The following FAF1 variants were observed in gnomAD, a reference collection of about 807,000 sequenced individuals.
FAF1 encodes the protein Fas associated factor 1.
In FAF1, 25 loss-of-function variants were observed where a neutral mutation model predicts 92.5. The observed-to-expected ratio is 0.27, with a 90% CI of 0.20 to 0.38. The LOEUF (loss-of-function observed/expected upper bound fraction) is 0.38. Ranked by LOEUF, FAF1 falls within the 10% of genes least tolerant of loss-of-function variation. The pLI is 1.00. For synonymous variants in FAF1, 234 were observed against 273.2 expected (o/e 0.86, Z 1.42); for missense variants, 636 against 793.3 (o/e 0.80, Z 2.38).
chr1:50,601,849 A>G (rs927913214), intron 8 of FAF1, among the ~76,000 whole-genome samples: 8 of 152,154 alleles, frequency 5.3e-5, no homozygotes, highest in Admixed American at 5.2e-4. Context: ...TTTATAGCCA[A>G]ATTTTAACCC....
chr1:50,864,380 T>G (rs1570070554), intron 1 of FAF1, among the ~76,000 whole-genome samples: 3 of 152,116 alleles, frequency 2.0e-5, no homozygotes, highest in East Asian at 3.9e-4. Flanking sequence ...TTTGAATGTG[T>G]CCCAGAGATT....
intron 16 of FAF1, among the ~76,000 whole-genome samples, chr1:50,491,258 T>C (rs1646835908): frequency 6.6e-6 from 1 of 152,264 alleles, no homozygotes; most frequent in African/African-American, 2.4e-5. Flanking sequence ...TCTTGGCTTA[T>C]GTTACAGCTA....
At chr1:50,821,186 T>G (rs1644040085) in intron 2 of FAF1, among the ~76,000 whole-genome samples, 2 of 152,216 alleles carry the variant, frequency 1.3e-5, no homozygotes, top group Non-Finnish European at 2.9e-5. Context: ...CATAATTAGC[T>G]AACATCAATA....
intron 2 of FAF1, among the ~76,000 whole-genome samples, chr1:50,850,148 T>C (rs1437217322): frequency 6.7e-6 from 1 of 149,224 alleles, no homozygotes; most frequent in Admixed American, 6.7e-5. Flanking sequence ...AAAAATTGAA[T>C]GGTCAACAAG....
intron 1 of FAF1, among the ~76,000 whole-genome samples, chr1:50,933,940 G>T (rs1324764910): frequency 2.0e-5 from 3 of 152,142 alleles, no homozygotes; most frequent in African/African-American, 7.2e-5. Flanking sequence ...GCAAGGGAAA[G>T]ACCAGGCCCC....
chr1:50,913,666 G>A (rs1644901475), intron 1 of FAF1, among the ~76,000 whole-genome samples: 1 of 152,128 alleles, frequency 6.6e-6, no homozygotes, highest in Admixed American at 6.5e-5. Flanking sequence ...AACAGAAGTA[G>A]TCTGTACACA....
intron 8 of FAF1, among the ~76,000 whole-genome samples, chr1:50,640,295 GTTT>G (rs937840700): frequency 7.0e-6 from 1 of 142,088 alleles, no homozygotes. Context: ...GTTGTGGCAA[GTTT>G]TTTTTTTTTT....
At chr1:50,619,284 T>C (rs1653080329) in intron 8 of FAF1, among the ~76,000 whole-genome samples, 1 of 152,228 alleles carries the variant, frequency 6.6e-6, no homozygotes, top group African/African-American at 2.4e-5. Flanking sequence ...ATTGTGGTGT[T>C]AGCTGGCTGC....
chr1:50,665,089 A>C (rs574833906), intron 7 of FAF1, among the ~76,000 whole-genome samples: 72 of 152,366 alleles, frequency 4.7e-4, no homozygotes, highest in African/African-American at 1.7e-3. Flanking sequence ...AAGTAAATTA[A>C]TCAATTTATA....
chr1:50,592,688 C>G (rs894012858), intron 9 of FAF1, among the ~76,000 whole-genome samples: 1 of 152,108 alleles, frequency 6.6e-6, no homozygotes, highest in Non-Finnish European at 1.5e-5. Flanking sequence ...TGACTCACAC[C>G]TGTAACCCCA....
intron 15 of FAF1, among the ~76,000 whole-genome samples, chr1:50,510,102 G>A (rs1436178928): frequency 6.6e-6 from 1 of 150,418 alleles, no homozygotes; most frequent in African/African-American, 2.5e-5. Flanking sequence ...GGAGGCGGGG[G>A]TTGCAGTGAG....
intron 7 of FAF1, among the ~76,000 whole-genome samples, chr1:50,680,793 C>T (rs1195459326): frequency 2.6e-5 from 4 of 152,040 alleles, no homozygotes; most frequent in African/African-American, 9.7e-5. Flanking sequence ...GCCCCCATAA[C>T]ATCAACTTCT....
At chr1:50,868,987 G>C (rs1355736890) in intron 1 of FAF1, among the ~76,000 whole-genome samples, 1 of 152,112 alleles carries the variant, frequency 6.6e-6, no homozygotes, top group African/African-American at 2.4e-5. Flanking sequence ...ATTACTGAGA[G>C]AGAACTCTGA....
chr1:50,450,335 C>T (rs2148979217), intron 18 of FAF1, among the ~76,000 whole-genome samples: 1 of 152,160 alleles, frequency 6.6e-6, no homozygotes, highest in Non-Finnish European at 1.5e-5. Flanking sequence ...CAGATGAATT[C>T]TCTGAGGTCA....
chr1:50,694,637 T>C (rs1557479640), intron 7 of FAF1, among the ~76,000 whole-genome samples: 1 of 150,966 alleles, frequency 6.6e-6, no homozygotes, highest in Non-Finnish European at 1.5e-5. Context: ...GTGATAACAA[T>C]ATACCTACAA....
rs1394876566 is a variant in FAF1, at chr1:50,500,700, A to T, written c.1495-8899T>A. 2.0e-4 allele frequency among the ~76,000 whole-genome samples: 31 copies of T among 152,020 alleles called. 1 individual carries two copies. Among genetic ancestry groups the T allele is most frequent in the Non-Finnish European group, 2.9e-5 (2 of 67,988 alleles). ...ACTTATTTTCTCCTAAAGACAATTG[A>T]AAATGATATTGAGTGTGCCTATGTT... On this transcript the variant is annotated intron_variant, in intron 15 of 18. Transcript: ENST00000396153.
At chr1:50,885,980 T>C (rs1239100899) in intron 1 of FAF1, among the ~76,000 whole-genome samples, 1 of 152,216 alleles carries the variant, frequency 6.6e-6, no homozygotes, top group Non-Finnish European at 1.5e-5. Flanking sequence ...ACACTCTACA[T>C]CTTAACATCA....
chr1:50,904,292 T>C (rs781752960), intron 1 of FAF1, among the ~76,000 whole-genome samples: 1 of 152,142 alleles, frequency 6.6e-6, no homozygotes, highest in Non-Finnish European at 1.5e-5. Context: ...ATTCTACTTA[T>C]ATGAGGTACT....
At chr1:50,873,118 C>G (rs370825624) in intron 1 of FAF1, among the ~76,000 whole-genome samples, 3 of 152,236 alleles carry the variant, frequency 2.0e-5, no homozygotes, top group East Asian at 1.9e-4. Flanking sequence ...GCTGAAGGCT[C>G]AGGTGATAAT....
Sources: gnomAD v4.1 joint callset for allele counts (sites outside exome capture counted in the v4.1 genomes callset) on GRCh38, gnomAD v4.1.1 for gene constraint, MANE v1.5 for transcripts, NCBI Gene and HGNC (gene_info 2026-07-23, HGNC 2026-07-21) for gene names.